The following HINT3 variants were observed in gnomAD, a reference collection of about 807,000 sequenced individuals.
HINT3 encodes adenosine 5'-monophosphoramidase HINT3.
HINT3 carries 16 observed loss-of-function variants against 19.1 expected under a neutral mutation model. The observed-to-expected ratio is 0.84, with a 90% CI of 0.57 to 1.27. The LOEUF is 1.27. Among genes scored for constraint, HINT3 ranks in the 50% most tolerant of loss-of-function variants. HINT3 has a pLI of 0.00. For missense variants in HINT3, 197 were observed against 225.8 expected (o/e 0.87, Z 0.82); for synonymous variants, 75 against 84.8 (o/e 0.88, Z 0.63).
chr6:125,974,730 C>A (rs1789156549), intron 3 of HINT3, 117 bp from the exon 4 acceptor site: 2 of 913,966 alleles, frequency 2.2e-6, no homozygotes, highest in Non-Finnish European at 3.4e-6. Flanking sequence ...AGATTTGTGA[C>A]AGTCTATTTA....
intron 4 of HINT3, among the ~76,000 whole-genome samples, chr6:125,976,594 G>C (rs772293663): frequency 9.7e-4 from 131 of 135,630 alleles, no homozygotes; most frequent in East Asian, 2.3e-4. Context: ...TTTTCTATAA[G>C]AGCTATACCT....
rs1369140049 is a variant in HINT3 at position 125,978,260 on chromosome 6, TA to T, written c.*587del. On this transcript the variant is annotated 3_prime_UTR_variant, in exon 5 of 5. Transcript: ENST00000229633. ...TTTTTGAAGCATTGCATCTTTTTAA[TA>T]AATCTATCCTGAAAGCTATATAATA... The T allele has an allele frequency of 6.6e-6, 1 of 152,080 alleles. No homozygotes were observed. The highest frequency in any genetic ancestry group is 1.9e-4 in the East Asian group (1 of 5,202). The allele number at this position is 152,080 out of a possible 1,614,324, so 9.4% of individuals were successfully genotyped here.
In HINT3 at chr6:125,978,821, C is replaced by A. The variant is rs1789210587; in HGVS notation, c.*1145C>A. The stretch of plus-strand genomic sequence containing the variant: ...TAACAAATTACTTATTACAAAGTTA[C>A]AACATGTGGAATCAATAGTTTTATT... On this transcript the variant is annotated 3_prime_UTR_variant, in exon 5 of 5. Coordinates refer to ENST00000229633, the MANE Select transcript of HINT3 (RefSeq NM_138571.5). The A allele has an allele frequency of 1.8e-5, 2 of 110,476 alleles. No individual in the cohort carries two copies. Among genetic ancestry groups the A allele is most frequent in the African/African-American group, 7.6e-5 (2 of 26,286 alleles). The allele number at this position is 110,476 out of a possible 1,614,324, so 6.8% of individuals were successfully genotyped here.
At chr6:125,963,908 C>G (rs1788980335) in intron 1 of HINT3, among the ~76,000 whole-genome samples, 1 of 152,148 alleles carries the variant, frequency 6.6e-6, no homozygotes, top group Non-Finnish European at 1.5e-5. Context: ...CATCTCTGTT[C>G]CTGGAAAAAT....
chr6:125,978,246 T>C lies in HINT3; in HGVS notation c.*570T>C, dbSNP rs1410799562. ...ATGCCAGTTTTCACTTTTTGAAGCA[T>C]TGCATCTTTTTAATAAATCTATCCT... On this transcript the variant is annotated 3_prime_UTR_variant, in exon 5 of 5. Coordinates refer to ENST00000229633, the MANE Select transcript of HINT3 (RefSeq NM_138571.5). 1 of 152,080 alleles carries C rather than the reference T, an allele frequency of 6.6e-6. No homozygotes were observed. Among genetic ancestry groups the C allele is most frequent in the African/African-American group, 2.4e-5 (1 of 41,442 alleles). The allele number at this position is 152,080 out of a possible 1,614,324, so 9.4% of individuals were successfully genotyped here.
chr6:125,976,379 G>A (rs1403079851), intron 4 of HINT3, among the ~76,000 whole-genome samples: 1 of 151,896 alleles, frequency 6.6e-6, no homozygotes, highest in African/African-American at 2.4e-5. Context: ...CTCCACTCCA[G>A]CCTGGGTGAC....
chr6:125,959,674 A>C (rs1788889834), intron 1 of HINT3, among the ~76,000 whole-genome samples: 1 of 152,362 alleles, frequency 6.6e-6, no homozygotes, highest in Non-Finnish European at 1.5e-5. Flanking sequence ...GAGGAGGGAA[A>C]GGTAGTGGTA....
At chr6:125,976,651 G>C (rs1359010572) in intron 4 of HINT3, among the ~76,000 whole-genome samples, 1 of 149,280 alleles carries the variant, frequency 6.7e-6, no homozygotes, top group Non-Finnish European at 1.5e-5. Context: ...TGTTTTGACT[G>C]TATTTTCTTA....
intron 4 of HINT3, 65 bp from the exon 5 acceptor site, chr6:125,977,579 A>G (rs1056255026): frequency 3.9e-6 from 3 of 778,680 alleles, no homozygotes; most frequent in Non-Finnish European, 4.2e-6. Flanking sequence ...TAATAGGGAT[A>G]CCAGTAGAAT....
intron 4 of HINT3, among the ~76,000 whole-genome samples, chr6:125,976,984 C>T (rs1789188272): frequency 6.6e-6 from 1 of 152,138 alleles, no homozygotes; most frequent in Non-Finnish European, 1.5e-5. Context: ...CCCTACCCCT[C>T]CACATGTACA....
intron 1 of HINT3, among the ~76,000 whole-genome samples, chr6:125,960,668 A>G (rs76351581): frequency 0.054 from 2,282 of 42,368 alleles, 208 homozygotes; most frequent in African/African-American, 0.094. Context: ...GGGGGGGGAA[A>G]AAAAAAGAAG....
At chr6:125,971,176 G>C (rs1290980324) in intron 2 of HINT3, among the ~76,000 whole-genome samples, 2 of 152,170 alleles carry the variant, frequency 1.3e-5, no homozygotes, top group Non-Finnish European at 2.9e-5. Context: ...AAAACACCAA[G>C]AGAAGAAAGA....
At chr6:125,975,967 G>A (rs923708150) in intron 4 of HINT3, among the ~76,000 whole-genome samples, 6 of 152,164 alleles carry the variant, frequency 3.9e-5, no homozygotes, top group Admixed American at 1.3e-4. Flanking sequence ...TGGTCTGAAA[G>A]TCAGCCCTTA....
chr6:125,964,641 A>G (rs1788991724), intron 1 of HINT3, among the ~76,000 whole-genome samples: 1 of 152,018 alleles, frequency 6.6e-6, no homozygotes, highest in Non-Finnish European at 1.5e-5. Context: ...TGGATTTGCC[A>G]TAATTTATTA....
chr6:125,970,319 G>T (rs1361442375), intron 2 of HINT3, among the ~76,000 whole-genome samples: 1 of 152,088 alleles, frequency 6.6e-6, no homozygotes, highest in African/African-American at 2.4e-5. Context: ...ATCCAATTTA[G>T]ATTTACCTGA....
rs114051556 is a variant in HINT3, at chr6:125,958,505, A to C, written c.201+1327A>C. Among the ~76,000 whole-genome samples the C allele has an allele frequency of 7.5e-3, 1,137 of 152,298 alleles. 11 individuals carry two copies. The highest frequency in any genetic ancestry group is 0.026 in the African/African-American group (1,098 of 41,554). On this transcript the variant is annotated intron_variant, in intron 1 of 4. Coordinates refer to ENST00000229633, the MANE Select transcript of HINT3 (RefSeq NM_138571.5). ...ATTTGGAGGAGACCAGTCTGGAGGT[A>C]TGGAGACCCGTTAGAAGGCTAGTAG... is the stretch of plus-strand genomic sequence containing the variant.
chr6:125,962,211 CACATATAT>C lies in HINT3; in HGVS notation c.202-4674_202-4667del, dbSNP rs1562212083. ...ACACATATATATATATATATATATA[CACATATAT>C]ATATATATATATATACACATATATA... is the stretch of plus-strand genomic sequence containing the variant. On this transcript the variant is annotated intron_variant, in intron 1 of 4. Coordinates refer to ENST00000229633, the MANE Select transcript of HINT3 (RefSeq NM_138571.5). Among the ~76,000 whole-genome samples, 120 of 12,508 alleles carry C rather than the reference CACATATAT, an allele frequency of 9.6e-3. 15 individuals are homozygous for C. Among genetic ancestry groups the C allele is most frequent in the African/African-American group, 0.074 (114 of 1,550 alleles). 8.2% of individuals were successfully genotyped at this position (12,508 alleles called of 152,430 possible). A position where few individuals can be genotyped will look rare whatever the true frequency, so the allele number is the denominator to read the frequency against.
At chr6:125,977,049 A>AC (rs1171732024) in intron 4 of HINT3, among the ~76,000 whole-genome samples, 1 of 151,972 alleles carries the variant, frequency 6.6e-6, no homozygotes, top group Non-Finnish European at 1.5e-5. Flanking sequence ...CAATCAATGA[A>AC]CCCCATTGAT....
chr6:125,957,530 C>T (rs1393914972), intron 1 of HINT3, among the ~76,000 whole-genome samples: 1 of 152,156 alleles, frequency 6.6e-6, no homozygotes, highest in Admixed American at 6.5e-5. Context: ...ATTTTGTGGC[C>T]TCTGCTTTTA....
Sources: allele counts gnomAD v4.1 joint callset (sites outside exome capture counted in the v4.1 genomes callset), GRCh38; gene constraint gnomAD v4.1.1; transcripts MANE v1.5; gene names NCBI Gene and HGNC (gene_info 2026-07-23, HGNC 2026-07-21).